CACNB2: variants seen among roughly 807,000 people sequenced by gnomAD.
CACNB2 encodes the protein voltage-dependent L-type calcium channel subunit beta-2.
In CACNB2, 42 loss-of-function variants were observed where a neutral mutation model predicts 73.3. The ratio of observed to expected loss-of-function variants is 0.57; its 90% CI spans 0.45 to 0.74. The LOEUF (loss-of-function observed/expected upper bound fraction) is 0.74, where lower values mean the gene tolerates loss of function less well. CACNB2 is among the 30% of genes least tolerant of loss of function. The pLI, the probability that CACNB2 is intolerant of heterozygous loss-of-function variation, is 0.00. For missense variants in CACNB2, 940 were observed against 853.0 expected, an observed-to-expected ratio of 1.10 and a Z score of -1.27; for synonymous variants, 348 against 310.3, an observed-to-expected ratio of 1.12 and a Z score of -1.28.
At chr10:18,416,502 C>T (rs986012528) in intron 3 of CACNB2, among the ~76,000 whole-genome samples, 1 of 152,158 alleles carries the variant, frequency 6.6e-6, no homozygotes, top group Admixed American at 6.5e-5. Context: ...CTGCAACCTC[C>T]ACCTCCTGGG....
chr10:18,184,731 AATTTT>A (rs2034069544), intron 2 of CACNB2, among the ~76,000 whole-genome samples: 1 of 144,932 alleles, frequency 6.9e-6, no homozygotes, highest in South Asian at 2.1e-4. Flanking sequence ...AATTCAATTC[AATTTT>A]AAGTTCTAGG....
chr10:18,504,654 C>CGCGT (rs1554833095), intron 5 of CACNB2, among the ~76,000 whole-genome samples: 48 of 151,612 alleles, frequency 3.2e-4, no homozygotes, highest in Non-Finnish European at 5.2e-4. Context: ...TGTGTGTGTG[C>CGCGT]GTGTGTGTGA....
intron 11 of CACNB2, among the ~76,000 whole-genome samples, chr10:18,534,735 T>G (rs1341432039): frequency 6.6e-6 from 1 of 152,254 alleles, no homozygotes; most frequent in East Asian, 1.9e-4. Flanking sequence ...TTCAGTGTAC[T>G]AAAACAAAGT....
chr10:18,261,852 A>G (rs1216052741), intron 2 of CACNB2: 1 of 490,702 alleles, frequency 2.0e-6, no homozygotes, highest in Non-Finnish European at 4.1e-6. Context: ...CCCTTATTTC[A>G]TGGCCCTGCT....
At chr10:18,418,949 A>G (rs912187628) in intron 3 of CACNB2, among the ~76,000 whole-genome samples, 14 of 152,324 alleles carry the variant, frequency 9.2e-5, no homozygotes, top group Middle Eastern at 3.4e-3. Flanking sequence ...AGGAACTGTA[A>G]TCATCCCTGA....
At chr10:18,426,912 A>G (rs2045628239) in intron 3 of CACNB2, among the ~76,000 whole-genome samples, 1 of 150,162 alleles carries the variant, frequency 6.7e-6, no homozygotes, top group Admixed American at 6.6e-5. Flanking sequence ...TTTCTTAAAA[A>G]TTATGAATTG....
chr10:18,196,877 G>A (rs967725965), intron 2 of CACNB2, among the ~76,000 whole-genome samples: 2 of 152,116 alleles, frequency 1.3e-5, no homozygotes, highest in African/African-American at 4.8e-5. Context: ...CAATTTCCTT[G>A]TCTTCCTGGA....
chr10:18,179,151 A>G (rs1158136955), intron 2 of CACNB2, among the ~76,000 whole-genome samples: 2 of 152,218 alleles, frequency 1.3e-5, no homozygotes, highest in East Asian at 1.9e-4. Context: ...ATAAATGTCA[A>G]TAACTTTAAT....
chr10:18,426,862 A>G (rs965016957), intron 3 of CACNB2, among the ~76,000 whole-genome samples: 2 of 151,598 alleles, frequency 1.3e-5, no homozygotes, highest in African/African-American at 4.8e-5. Flanking sequence ...GTACTTTAGC[A>G]TGTTAAGGAA....
intron 2 of CACNB2, among the ~76,000 whole-genome samples, chr10:18,375,472 A>T (rs1042614790): frequency 6.6e-6 from 1 of 152,196 alleles, no homozygotes; most frequent in Non-Finnish European, 1.5e-5. Flanking sequence ...ATGTCAGGCC[A>T]TTTAAACTAG....
At chr10:18,446,494 G>A (rs2046740738) in intron 3 of CACNB2, among the ~76,000 whole-genome samples, 1 of 152,156 alleles carries the variant, frequency 6.6e-6, no homozygotes. Flanking sequence ...ATCTCTGCAA[G>A]GAAAAGAATC....
chr10:18,391,373 A>G (rs1247761266), intron 2 of CACNB2, among the ~76,000 whole-genome samples: 2 of 152,194 alleles, frequency 1.3e-5, no homozygotes, highest in Non-Finnish European at 2.9e-5. Flanking sequence ...GCGAAAATGG[A>G]TCGGGAGAGC....
At chr10:18,411,850 C>T (rs933400065) in intron 3 of CACNB2, among the ~76,000 whole-genome samples, 8 of 152,314 alleles carry the variant, frequency 5.3e-5, no homozygotes, top group African/African-American at 1.9e-4. Flanking sequence ...CATGACCTTA[C>T]AATACATACA....
chr10:18,233,471 C>G (rs995285359), intron 2 of CACNB2, among the ~76,000 whole-genome samples: 2 of 151,668 alleles, frequency 1.3e-5, no homozygotes, highest in African/African-American at 4.9e-5. Context: ...CTCTATTGCT[C>G]TGCTAGCTAG....
chr10:18,155,912 T>C (rs2032014246), intron 2 of CACNB2, among the ~76,000 whole-genome samples: 1 of 151,224 alleles, frequency 6.6e-6, no homozygotes, highest in Non-Finnish European at 1.5e-5. Context: ...TATATATATA[T>C]ATATATATGT....
intron 3 of CACNB2, among the ~76,000 whole-genome samples, chr10:18,422,202 C>G (rs2045360419): frequency 6.6e-6 from 1 of 152,228 alleles, no homozygotes; most frequent in African/African-American, 2.4e-5. Flanking sequence ...CTGTGACTTT[C>G]TGAGTTGCTT....
At chr10:18,352,633 G>A (rs550316977) in intron 2 of CACNB2, among the ~76,000 whole-genome samples, 8 of 152,286 alleles carry the variant, frequency 5.3e-5, no homozygotes, top group South Asian at 2.1e-4. Flanking sequence ...TCAAAAGTGC[G>A]TACTTAATTG....
Position 18,488,303 on chromosome 10 carries a change from G to A in CACNB2, c.334-10052G>A, listed in dbSNP as rs188625684. On this transcript the variant is annotated intron_variant, in intron 3 of 13. Coordinates refer to ENST00000324631, the MANE Select transcript of CACNB2 (RefSeq NM_201596.3). ...ATCCTGGCTAACAAGGTGAAACCCC[G>A]TCTCTACTAAAAATACAGAAAATTA... is the stretch of plus-strand genomic sequence containing the variant. 3.7e-3 allele frequency among the ~76,000 whole-genome samples: 551 copies of A among 150,750 alleles called. 4 individuals carry two copies. Among genetic ancestry groups the A allele is most frequent in the Non-Finnish European group, 4.0e-3 (271 of 67,546 alleles).
intron 2 of CACNB2, among the ~76,000 whole-genome samples, chr10:18,374,743 C>T (rs1050923479): frequency 1.3e-5 from 2 of 152,134 alleles, no homozygotes; most frequent in Non-Finnish European, 2.9e-5. Flanking sequence ...CACAATGTAG[C>T]ACTAAATGCC....
Sources: gnomAD v4.1 joint callset for allele counts (sites outside exome capture counted in the v4.1 genomes callset) on GRCh38, gnomAD v4.1.1 for gene constraint, MANE v1.5 for transcripts, NCBI Gene and HGNC (gene_info 2026-07-23, HGNC 2026-07-21) for gene names.